ENPP6: variants seen among roughly 807,000 people sequenced by gnomAD.
ENPP6 encodes glycerophosphocholine cholinephosphodiesterase ENPP6.
Under a neutral mutation model 42.0 loss-of-function variants are expected in ENPP6, and 32 were observed. That is an observed-to-expected ratio of 0.76 (90% CI 0.58 to 1.02). The LOEUF (loss-of-function observed/expected upper bound fraction) is 1.02, where lower values mean the gene tolerates loss of function less well. ENPP6 is among the 50% of genes least tolerant of loss of function. The pLI is 0.00. For synonymous variants in ENPP6, 213 were observed against 216.0 expected (o/e 0.99, Z 0.12); for missense variants, 552 against 566.8 (o/e 0.97, Z 0.27).
At chr4:184,188,463 C>A (rs565333352) in intron 1 of ENPP6, among the ~76,000 whole-genome samples, 1 of 152,116 alleles carries the variant, frequency 6.6e-6, no homozygotes, top group Non-Finnish European at 1.5e-5. Context: ...GGGTCCCACG[C>A]TCTGCTTGAG....
At chr4:184,109,521 A>G (rs1736164997) in intron 6 of ENPP6, among the ~76,000 whole-genome samples, 1 of 152,200 alleles carries the variant, frequency 6.6e-6, no homozygotes, top group South Asian at 2.1e-4. Context: ...AGCCCTTATC[A>G]TTAGTAATTA....
At chr4:184,113,940 T>C (rs193145150) in intron 5 of ENPP6, among the ~76,000 whole-genome samples, 8 of 147,902 alleles carry the variant, frequency 5.4e-5, no homozygotes, top group Non-Finnish European at 7.5e-5. Flanking sequence ...TCTTTCTTTC[T>C]TTCTTTCTTT....
At chr4:184,094,192 T>C (rs1384533467) in intron 7 of ENPP6, among the ~76,000 whole-genome samples, 2 of 152,020 alleles carry the variant, frequency 1.3e-5, no homozygotes, top group Non-Finnish European at 2.9e-5. Context: ...GGCAGGAGGA[T>C]CTCTTGAACC....
chr4:184,118,371 A>G (rs1459227898), intron 3 of ENPP6, among the ~76,000 whole-genome samples: 2 of 152,240 alleles, frequency 1.3e-5, no homozygotes, highest in Non-Finnish European at 2.9e-5. Flanking sequence ...ATTGCATTAA[A>G]GTTTAACGAA....
intron 6 of ENPP6, among the ~76,000 whole-genome samples, chr4:184,104,835 A>G (rs1321660313): frequency 1.3e-5 from 2 of 152,218 alleles, no homozygotes; most frequent in African/African-American, 4.8e-5. Context: ...GATGGGAAAC[A>G]AAGGTCAAGA....
chr4:184,194,020 T>C (rs1487587174), intron 1 of ENPP6, among the ~76,000 whole-genome samples: 5 of 152,198 alleles, frequency 3.3e-5, no homozygotes, highest in Non-Finnish European at 7.3e-5. Context: ...CGGTCCCTGA[T>C]AGCTCTTTGC....
intron 1 of ENPP6, among the ~76,000 whole-genome samples, chr4:184,207,351 G>A (rs1413973376): frequency 2.6e-5 from 4 of 152,144 alleles, no homozygotes; most frequent in Admixed American, 2.0e-4. Context: ...GCTAAGTTAC[G>A]CTGCCTCAAA....
At chr4:184,113,831 G>T (rs1736254130) in intron 5 of ENPP6, among the ~76,000 whole-genome samples, 2 of 151,698 alleles carry the variant, frequency 1.3e-5, no homozygotes, top group African/African-American at 2.4e-5. Context: ...TTCAGCCACC[G>T]AGTGTGGCCC....
At chr4:184,206,492 G>A (rs1038023145) in intron 1 of ENPP6, among the ~76,000 whole-genome samples, 1 of 150,090 alleles carries the variant, frequency 6.7e-6, no homozygotes, top group African/African-American at 2.5e-5. Flanking sequence ...TCCTGACCTC[G>A]TGATCCGCCC....
At chr4:184,101,843 C>T (rs181628736) in intron 6 of ENPP6, among the ~76,000 whole-genome samples, 3 of 152,334 alleles carry the variant, frequency 2.0e-5, no homozygotes, top group African/African-American at 7.2e-5. Flanking sequence ...TTGATGAGCC[C>T]CTCAACCAGT....
intron 1 of ENPP6, among the ~76,000 whole-genome samples, chr4:184,165,182 T>C (rs13115039): frequency 0.43 from 65,599 of 152,004 alleles, 14,521 homozygotes; most frequent in East Asian, 0.56. Context: ...TCTGGACACT[T>C]ACTGATCAGT....
At chr4:184,187,419 C>T (rs960760778) in intron 1 of ENPP6, among the ~76,000 whole-genome samples, 7 of 152,308 alleles carry the variant, frequency 4.6e-5, no homozygotes, top group Admixed American at 2.0e-4. Context: ...CACTGCACAC[C>T]GCTCAGACCT....
At chr4:184,177,305 G>T (rs1263887803) in intron 1 of ENPP6, among the ~76,000 whole-genome samples, 3 of 152,208 alleles carry the variant, frequency 2.0e-5, no homozygotes, top group Non-Finnish European at 4.4e-5. Flanking sequence ...ACCAGATGGG[G>T]CCTCCCCGCA....
chr4:184,101,077 G>A (rs570051527), intron 6 of ENPP6, among the ~76,000 whole-genome samples: 22 of 152,254 alleles, frequency 1.4e-4, no homozygotes, highest in Admixed American at 7.2e-4. Flanking sequence ...GGAGGAGGCC[G>A]AGGGGAGAGT....
At chr4:184,096,922 C>T in intron 7 of ENPP6, among the ~76,000 whole-genome samples, 1 of 152,050 alleles carries the variant, frequency 6.6e-6, no homozygotes, top group East Asian at 1.9e-4. Flanking sequence ...GTAAGCTTTC[C>T]TGGACATCAG....
intron 2 of ENPP6, among the ~76,000 whole-genome samples, chr4:184,152,909 G>T (rs1272758395): frequency 7.0e-6 from 1 of 143,148 alleles, no homozygotes; most frequent in Non-Finnish European, 1.5e-5. Context: ...GCTCAATGAC[G>T]TATGGAAATG....
At chr4:184,100,099 G>C (rs553029453) in intron 6 of ENPP6, among the ~76,000 whole-genome samples, 1 of 152,200 alleles carries the variant, frequency 6.6e-6, no homozygotes, top group Non-Finnish European at 1.5e-5. Flanking sequence ...CTAGTCGTAG[G>C]TAAATCCACT....
intron 5 of ENPP6, among the ~76,000 whole-genome samples, chr4:184,113,251 G>A (rs931660206): frequency 6.6e-6 from 1 of 152,254 alleles, no homozygotes; most frequent in Non-Finnish European, 1.5e-5. Flanking sequence ...CTCAGCTTTA[G>A]TGGGGGGAAA....
chr4:184,126,119 A>G (rs1282106603), intron 2 of ENPP6, among the ~76,000 whole-genome samples: 1 of 152,224 alleles, frequency 6.6e-6, no homozygotes, highest in Non-Finnish European at 1.5e-5. Context: ...TTTGCAGATA[A>G]GAGAAACGCA....
Sources: allele counts gnomAD v4.1 joint callset (sites outside exome capture counted in the v4.1 genomes callset), GRCh38; gene constraint gnomAD v4.1.1; transcripts MANE v1.5; gene names NCBI Gene and HGNC (gene_info 2026-07-23, HGNC 2026-07-21).